CCBE1: variants seen among roughly 807,000 people sequenced by gnomAD.
The protein encoded by CCBE1 is collagen and calcium-binding EGF domain-containing protein 1.
CCBE1 carries 37 observed loss-of-function variants against 50.0 expected under a neutral mutation model. The ratio of observed to expected loss-of-function variants is 0.74; its 90% CI spans 0.57 to 0.97. The LOEUF (loss-of-function observed/expected upper bound fraction) is 0.97, where lower values mean the gene tolerates loss of function less well. Among genes scored for constraint, CCBE1 ranks in the 50% least tolerant of loss-of-function variants. CCBE1 has a pLI of 0.00. For missense variants in CCBE1, 538 were observed against 523.8 expected, an observed-to-expected ratio of 1.03 and a Z score of -0.26; for synonymous variants, 234 against 203.7, an observed-to-expected ratio of 1.15 and a Z score of -1.27.
chr18:59,603,278 G>C (rs1282033745), intron 2 of CCBE1, among the ~76,000 whole-genome samples: 1 of 152,200 alleles, frequency 6.6e-6, no homozygotes, highest in Non-Finnish European at 1.5e-5. Context: ...TTAAGTAGTT[G>C]AAGGAATGAG....
intron 2 of CCBE1, among the ~76,000 whole-genome samples, chr18:59,567,890 A>T (rs2052853322): frequency 6.6e-6 from 1 of 152,224 alleles, no homozygotes; most frequent in African/African-American, 2.4e-5. Flanking sequence ...TCACATACAG[A>T]AGCATCCATC....
chr18:59,562,477 G>A (rs2052754302), intron 2 of CCBE1, among the ~76,000 whole-genome samples: 1 of 144,498 alleles, frequency 6.9e-6, no homozygotes, highest in East Asian at 2.4e-4. Context: ...GAGAGGTGGA[G>A]AAATGACATA....
chr18:59,584,479 A>G (rs1169162715), intron 2 of CCBE1, among the ~76,000 whole-genome samples: 1 of 151,820 alleles, frequency 6.6e-6, no homozygotes, highest in Non-Finnish European at 1.5e-5. Context: ...GTGCACATGC[A>G]CCCGAAAACT....
intron 2 of CCBE1, among the ~76,000 whole-genome samples, chr18:59,692,956 GCACACACACACACA>G (rs59496597): frequency 0.021 from 1,805 of 86,938 alleles, 62 homozygotes; most frequent in African/African-American, 0.074. Context: ...TCAAGCCAAA[GCACACACACACACA>G]CACACACACA....
chr18:59,612,497 C>G (rs1417813055), intron 2 of CCBE1, among the ~76,000 whole-genome samples: 1 of 152,120 alleles, frequency 6.6e-6, no homozygotes, highest in African/African-American at 2.4e-5. Flanking sequence ...GAGATTGTGT[C>G]ATTCTATTCT....
intron 2 of CCBE1, among the ~76,000 whole-genome samples, chr18:59,584,509 A>G (rs929437337): frequency 2.6e-5 from 4 of 152,182 alleles, no homozygotes; most frequent in Admixed American, 2.6e-4. Flanking sequence ...ATAATAATAA[A>G]AAAAGAAATG....
chr18:59,672,359 T>C (rs2054443593), intron 2 of CCBE1, among the ~76,000 whole-genome samples: 2 of 152,220 alleles, frequency 1.3e-5, no homozygotes, highest in South Asian at 2.1e-4. Context: ...TGTCACCTGC[T>C]TTGATCAATA....
intron 2 of CCBE1, among the ~76,000 whole-genome samples, chr18:59,649,222 A>G (rs1479943694): frequency 6.6e-6 from 1 of 152,198 alleles, no homozygotes; most frequent in Admixed American, 6.5e-5. Context: ...AGATCTGCGC[A>G]CTGCCCCTTG....
rs1231963224 is a variant in CCBE1 at position 59,586,464 on chromosome 18, G to A, written c.213-106226C>T. Among the ~76,000 whole-genome samples, 5 of 152,316 alleles carry A rather than the reference G, an allele frequency of 3.3e-5. No individual in the cohort carries two copies. The South Asian group carries it at 8.3e-4, about 25-fold the overall frequency. On this transcript the variant is annotated intron_variant, in intron 2 of 10. Transcript: ENST00000439986. ...CCCCCACTGTGTTTAGCTTCAACAAGCATGCTTTGGGACACAACCAGAACT... is the reference window on the plus strand; with the variant it reads ...CCCCCACTGTGTTTAGCTTCAACAAACATGCTTTGGGACACAACCAGAACT...
chr18:59,672,556 C>A (rs2054446884), intron 2 of CCBE1, among the ~76,000 whole-genome samples: 1 of 152,202 alleles, frequency 6.6e-6, no homozygotes, highest in Non-Finnish European at 1.5e-5. Context: ...AGCATTTCTG[C>A]TGGCATCCAG....
intron 2 of CCBE1, among the ~76,000 whole-genome samples, chr18:59,486,194 T>A (rs1378797101): frequency 6.6e-6 from 1 of 152,138 alleles, no homozygotes. Flanking sequence ...ACAGATAATA[T>A]AAGAAAGGTG....
chr18:59,675,982 C>A (rs1016077740), intron 2 of CCBE1, among the ~76,000 whole-genome samples: 1 of 152,150 alleles, frequency 6.6e-6, no homozygotes, highest in Non-Finnish European at 1.5e-5. Flanking sequence ...CTACATCCCC[C>A]CGCCCTACCT....
chr18:59,455,091 C>T (rs1397956465), intron 5 of CCBE1, 140 bp from the exon 6 acceptor site: 1 of 725,448 alleles, frequency 1.4e-6, no homozygotes, highest in Non-Finnish European at 2.5e-6. Context: ...GGTGATTTTA[C>T]AGCTCTCAGG....
intron 2 of CCBE1, among the ~76,000 whole-genome samples, chr18:59,678,077 G>A (rs1471315055): frequency 1.3e-5 from 2 of 152,190 alleles, no homozygotes; most frequent in East Asian, 3.9e-4. Flanking sequence ...GTGTGCGATG[G>A]TTGTAAGCGG....
At chr18:59,552,512 G>T (rs1422107169) in intron 2 of CCBE1, among the ~76,000 whole-genome samples, 2 of 152,172 alleles carry the variant, frequency 1.3e-5, no homozygotes, top group African/African-American at 4.8e-5. Flanking sequence ...AGCACCTGGA[G>T]CCAACCCAAC....
intron 2 of CCBE1, among the ~76,000 whole-genome samples, chr18:59,551,268 GGTAA>G (rs1395684900): frequency 6.6e-6 from 1 of 151,932 alleles, no homozygotes; most frequent in African/African-American, 2.4e-5. Context: ...GTAACACAAT[GGTAA>G]GTATTTGTGC....
At chr18:59,669,686 G>A (rs2054406012) in intron 2 of CCBE1, among the ~76,000 whole-genome samples, 1 of 152,246 alleles carries the variant, frequency 6.6e-6, no homozygotes, top group Non-Finnish European at 1.5e-5. Flanking sequence ...ACATCATGAA[G>A]TGCTGGAGAT....
intron 2 of CCBE1, among the ~76,000 whole-genome samples, chr18:59,546,479 C>T (rs189976358): frequency 6.6e-6 from 1 of 152,324 alleles, no homozygotes; most frequent in Admixed American, 6.5e-5. Context: ...TGTGTAGCTC[C>T]CTCTTAGAAC....
At chr18:59,447,539 G>T (rs1230165079) in intron 7 of CCBE1, among the ~76,000 whole-genome samples, 2 of 152,128 alleles carry the variant, frequency 1.3e-5, no homozygotes, top group African/African-American at 4.8e-5. Context: ...GTATAAATAT[G>T]CGAACAAATA....
Sources: gnomAD v4.1 joint callset for allele counts (sites outside exome capture counted in the v4.1 genomes callset) on GRCh38, gnomAD v4.1.1 for gene constraint, MANE v1.5 for transcripts, NCBI Gene and HGNC (gene_info 2026-07-23, HGNC 2026-07-21) for gene names.